The following BMP6 variants were observed in gnomAD, a reference collection of about 807,000 sequenced individuals.
The protein encoded by BMP6 is bone morphogenetic protein 6.
In BMP6, 17 loss-of-function variants were observed where a neutral mutation model predicts 54.1. The ratio of observed to expected loss-of-function variants is 0.31; its 90% CI spans 0.22 to 0.47. The LOEUF (loss-of-function observed/expected upper bound fraction) is 0.47. Ranked by LOEUF, BMP6 falls within the 20% of genes least tolerant of loss-of-function variation. The pLI is 1.00. For synonymous variants in BMP6, 328 were observed against 291.2 expected (o/e 1.13, Z -1.28); for missense variants, 720 against 690.4 (o/e 1.04, Z -0.48).
intron 1 of BMP6, among the ~76,000 whole-genome samples, chr6:7,843,499 AAAC>A (rs1179737431): frequency 3.3e-5 from 5 of 151,642 alleles, no homozygotes; most frequent in African/African-American, 9.7e-5. Context: ...TAATTATGAA[AAAC>A]AACATGTGTA....
intron 2 of BMP6, among the ~76,000 whole-genome samples, chr6:7,855,403 G>A (rs1759209958): frequency 1.3e-5 from 2 of 152,028 alleles, no homozygotes; most frequent in African/African-American, 2.4e-5. Flanking sequence ...GCCCCCGCAG[G>A]GGATTCTGAT....
intron 1 of BMP6, among the ~76,000 whole-genome samples, chr6:7,729,244 A>G (rs1049270525): frequency 6.6e-6 from 1 of 152,140 alleles, no homozygotes; most frequent in Admixed American, 6.6e-5. Context: ...GCTGTTCCTT[A>G]TTCTAACTTT....
rs187254439 is a variant in BMP6, at chr6:7,791,571, C to G, written c.665-53569C>G. On this transcript the variant is annotated intron_variant, in intron 1 of 6. Transcript: ENST00000283147. ...TCAGTTGGTCCTTGAGCTGCTGCCC[C>G]TTAACCCAGAATTCTGTCTCTGGAA... Among the ~76,000 whole-genome samples, 201 of 152,276 alleles carry G rather than the reference C, an allele frequency of 1.3e-3. 1 individual carries two copies. The highest frequency in any genetic ancestry group is 4.6e-3 in the African/African-American group (192 of 41,556).
At chr6:7,739,534 TCTTA>T (rs1208312575) in intron 1 of BMP6, among the ~76,000 whole-genome samples, 1 of 152,206 alleles carries the variant, frequency 6.6e-6, no homozygotes, top group African/African-American at 2.4e-5. Context: ...ACATAAAAGT[TCTTA>T]CTTTTACAGT....
chr6:7,760,845 C>T (rs994449215), intron 1 of BMP6, among the ~76,000 whole-genome samples: 8 of 152,212 alleles, frequency 5.3e-5, no homozygotes, highest in South Asian at 2.1e-4. Flanking sequence ...GCATCAAAAA[C>T]GTCTCTTTGA....
At chr6:7,852,075 AT>A in intron 2 of BMP6, among the ~76,000 whole-genome samples, 1 of 152,034 alleles carries the variant, frequency 6.6e-6, no homozygotes, top group Non-Finnish European at 1.5e-5. Flanking sequence ...CTAATTTTCT[AT>A]TTATGAAATT....
At chr6:7,818,035 C>A (rs1477902374) in intron 1 of BMP6, among the ~76,000 whole-genome samples, 1 of 152,178 alleles carries the variant, frequency 6.6e-6, no homozygotes, top group Non-Finnish European at 1.5e-5. Flanking sequence ...GGACTGGATA[C>A]TTGAAAACTT....
At chr6:7,863,208 C>T (rs1040991156) in intron 4 of BMP6, among the ~76,000 whole-genome samples, 1 of 152,092 alleles carries the variant, frequency 6.6e-6, no homozygotes, top group African/African-American at 2.4e-5. Context: ...CCATGTTGAC[C>T]AGGATGGTCT....
At chr6:7,770,985 G>A (rs1213050251) in intron 1 of BMP6, among the ~76,000 whole-genome samples, 1 of 152,160 alleles carries the variant, frequency 6.6e-6, no homozygotes, top group Non-Finnish European at 1.5e-5. Flanking sequence ...GAACTGAGTG[G>A]TATTATTTGA....
At chr6:7,805,463 ATTC>A (rs1365982252) in intron 1 of BMP6, among the ~76,000 whole-genome samples, 2 of 152,192 alleles carry the variant, frequency 1.3e-5, no homozygotes, top group Admixed American at 6.5e-5. Flanking sequence ...AGATGCTGCT[ATTC>A]TTTGTGGTTT....
intron 2 of BMP6, 93 bp downstream of exon 2, chr6:7,845,425 G>A: frequency 8.1e-7 from 1 of 1,228,890 alleles, no homozygotes; most frequent in Non-Finnish European, 1.1e-6. Context: ...TGTGCAGGGT[G>A]ACCTGGAGTT....
chr6:7,867,822 A>T (rs1205653318), intron 4 of BMP6, among the ~76,000 whole-genome samples: 1 of 152,252 alleles, frequency 6.6e-6, no homozygotes, highest in Non-Finnish European at 1.5e-5. Context: ...CACTTCTATC[A>T]TGCACAACTC....
Position 7,880,346 on chromosome 6 carries a change from C to T in BMP6, c.*3C>T, listed in dbSNP as rs770745045. On this transcript the variant is annotated 3_prime_UTR_variant, in exon 7 of 7. Transcript: ENST00000283147. ...TAAGAGCTTGTGGATGCCACTAACT[C>T]GAAACCAGATGCTGGGGACACACAT... The T allele has an allele frequency of 2.6e-5, 42 of 1,613,874 alleles. No homozygotes were observed. The highest frequency in any genetic ancestry group is 2.8e-5 in the Non-Finnish European group (33 of 1,179,924).
chr6:7,847,304 G>A (rs1056154197), intron 2 of BMP6, among the ~76,000 whole-genome samples: 6 of 152,206 alleles, frequency 3.9e-5, no homozygotes, highest in Non-Finnish European at 7.3e-5. Flanking sequence ...GGAGAACTGG[G>A]AGAGTTTCAT....
chr6:7,825,013 T>G (rs1351783185), intron 1 of BMP6, among the ~76,000 whole-genome samples: 1 of 152,206 alleles, frequency 6.6e-6, no homozygotes, highest in African/African-American at 2.4e-5. Flanking sequence ...CCCTGTTGTA[T>G]CATTGAAAAA....
At position 7,789,407 on chromosome 6, in the gene BMP6, G is replaced by A. The variant is rs181025961; in HGVS notation, c.665-55733G>A. On this transcript the variant is annotated intron_variant, in intron 1 of 6. Transcript: ENST00000283147. ...ACCAGGCGTATATGTAGAGGAAAAG[G>A]TCAAAGAAAAACATTTCCAAAGATA... Among the ~76,000 whole-genome samples, 5 of 152,266 alleles carry A rather than the reference G, an allele frequency of 3.3e-5. No individual in the cohort carries two copies. In the East Asian group the frequency reaches 9.6e-4, roughly 29 times the overall value.
intron 1 of BMP6, among the ~76,000 whole-genome samples, chr6:7,794,670 C>T (rs1423558293): frequency 1.3e-5 from 2 of 151,436 alleles, no homozygotes; most frequent in Admixed American, 1.3e-4. Flanking sequence ...TTAGTTGATA[C>T]CTTACAATAA....
In BMP6 at chr6:7,750,662, T is replaced by A. The variant is rs191410216; in HGVS notation, c.664+23043T>A. Among the ~76,000 whole-genome samples the A allele has an allele frequency of 8.2e-3, 1,242 of 152,294 alleles. 23 individuals are homozygous for A. The highest frequency in any genetic ancestry group is 0.027 in the African/African-American group (1,135 of 41,546). On this transcript the variant is annotated intron_variant, in intron 1 of 6. Transcript: ENST00000283147. ...TGGTTCTGGAACTTGAAATTTTTTT[T>A]AAAAAAGTTAAAAGTCCTCTTTGAC...
intron 4 of BMP6, among the ~76,000 whole-genome samples, chr6:7,865,710 G>A (rs143354024): frequency 3.2e-3 from 492 of 152,252 alleles, no homozygotes; most frequent in Non-Finnish European, 3.9e-3. Context: ...GTACTCTGGC[G>A]TGACTGCAGG....
Sources: gnomAD v4.1 joint callset for allele counts (sites outside exome capture counted in the v4.1 genomes callset) on GRCh38, gnomAD v4.1.1 for gene constraint, MANE v1.5 for transcripts, NCBI Gene and HGNC (gene_info 2026-07-23, HGNC 2026-07-21) for gene names.